Variants in PPP5C observed in about 807,000 individuals in gnomAD.
The protein encoded by PPP5C is protein phosphatase 5 catalytic subunit.
In PPP5C, 21 loss-of-function variants were observed where a neutral mutation model predicts 66.7. The observed-to-expected ratio is 0.31, with a 90% CI of 0.22 to 0.45. PPP5C has a LOEUF of 0.45. Ranked by LOEUF, PPP5C falls within the 20% of genes least tolerant of loss-of-function variation. PPP5C has a pLI of 1.00. For missense variants in PPP5C, 464 were observed against 675.9 expected, an observed-to-expected ratio of 0.69 and a Z score of 3.48; for synonymous variants, 246 against 257.4, an observed-to-expected ratio of 0.96 and a Z score of 0.43.
chr19:46,390,468 GT>G lies in PPP5C; in HGVS notation c.*125del. On this transcript the variant is annotated 3_prime_UTR_variant, in exon 13 of 13. Coordinates refer to ENST00000012443, the MANE Select transcript of PPP5C (RefSeq NM_006247.4). Reference sequence around the variant, plus strand: ...GTTGGACCCCCTTTTACTTTGTAAAGTTTGTATTTATTCCCCTTTAGGTTTG... The same window carrying G: ...GTTGGACCCCCTTTTACTTTGTAAAGTTGTATTTATTCCCCTTTAGGTTTG... 2.0e-6 allele frequency: 3 copies of G among 1,517,748 alleles called. No homozygotes were observed. The Middle Eastern group carries it at 6.6e-4, about 334-fold the overall frequency. The allele number at this position is 1,517,748 out of a possible 1,614,324, so 94.0% of individuals were successfully genotyped here.
At position 46,376,158 on chromosome 19, in the gene PPP5C, C is replaced by A. The variant is rs1474824460; in HGVS notation, c.512-295C>A. 6.6e-6 allele frequency among the ~76,000 whole-genome samples: 1 copy of A among 152,118 alleles called. No individual in the cohort carries two copies. Among genetic ancestry groups the A allele is most frequent in the Non-Finnish European group, 1.5e-5 (1 of 68,020 alleles). On this transcript the variant is annotated intron_variant, in intron 3 of 12. Coordinates refer to ENST00000012443, the MANE Select transcript of PPP5C (RefSeq NM_006247.4). The surrounding 1 kb of genome is among the most constrained non-coding windows in gnomAD (Gnocchi z 5.1). ...CAGCTATGAACAAAACCCTTCCTGTCCACATGGAGCCGATATTCTAGGAGG... is the reference window on the plus strand; with the variant it reads ...CAGCTATGAACAAAACCCTTCCTGTACACATGGAGCCGATATTCTAGGAGG...
intron 2 of PPP5C, among the ~76,000 whole-genome samples, chr19:46,363,236 A>G: frequency 9.3e-6 from 1 of 107,698 alleles, no homozygotes; most frequent in Non-Finnish European, 1.8e-5. Context: ...TGAACCCGGG[A>G]GGCGGAGCTT....
intron 2 of PPP5C, among the ~76,000 whole-genome samples, chr19:46,362,805 T>G (rs1972412958): frequency 6.6e-6 from 1 of 151,620 alleles, no homozygotes; most frequent in Non-Finnish European, 1.5e-5. Flanking sequence ...TTATTTTTTT[T>G]GAGATGGGGT....
chr19:46,347,209 A>G lies in PPP5C; in HGVS notation c.113A>G (p.Tyr38Cys). 6.2e-7 allele frequency: 1 copy of G among 1,605,148 alleles called. No individual in the cohort carries two copies. Among genetic ancestry groups the G allele is most frequent in the Non-Finnish European group, 8.5e-7 (1 of 1,176,368 alleles). ...GAGCTCAAGACTCAGGCCAATGACT[A>G]CTTCAAAGGTGCGCCCGCCTGGCAG... is the stretch of plus-strand genomic sequence containing the variant. ...AEELKTQANDYFKAKDYENAI... is the reference protein window; with the variant it reads ...AEELKTQANDCFKAKDYENAI... Residue 38 changes from tyrosine to cysteine, a missense_variant, in exon 1 of 13, where the codon TAC (tyrosine) becomes TGC (cysteine). Around this residue, in one of 2 missense-constraint regions of PPP5C, gnomAD observed 77 missense variants for 49.9 expected, o/e 1.54. Transcript: ENST00000012443.
intron 1 of PPP5C, among the ~76,000 whole-genome samples, chr19:46,347,526 C>G (rs1972104126): frequency 6.6e-6 from 1 of 150,950 alleles, no homozygotes; most frequent in Non-Finnish European, 1.5e-5. Context: ...AGGGCGCTAC[C>G]AGGCAGTGAC....
chr19:46,361,787 C>G (rs1399873729), intron 2 of PPP5C, among the ~76,000 whole-genome samples: 1 of 151,084 alleles, frequency 6.6e-6, no homozygotes, highest in African/African-American at 2.4e-5. Context: ...AATACTATAC[C>G]AAAATTTTGC....
At chr19:46,390,224 G>T in intron 12 of PPP5C, 60 bp from the exon 13 acceptor site, 4 of 1,603,994 alleles carry the variant, frequency 2.5e-6, no homozygotes, top group Non-Finnish European at 2.6e-6. Flanking sequence ...AGGTTCTGCC[G>T]GTGGGTGCTC....
intron 2 of PPP5C, among the ~76,000 whole-genome samples, chr19:46,356,753 G>A (rs1026661848): frequency 3.3e-5 from 5 of 152,228 alleles, no homozygotes; most frequent in African/African-American, 9.6e-5. Context: ...GAGGAAGTGT[G>A]TATAAATATT....
chr19:46,383,593 C>A lies in PPP5C; in HGVS notation c.699+117C>A. 8.5e-7 allele frequency: 1 copy of A among 1,179,506 alleles called. No homozygotes were observed. The highest frequency in any genetic ancestry group is 1.2e-6 in the Non-Finnish European group (1 of 836,324). The allele number at this position is 1,179,506 out of a possible 1,614,324, so 73.1% of individuals were successfully genotyped here. On this transcript the variant is annotated intron_variant, in intron 5 of 12. Coordinates refer to ENST00000012443, the MANE Select transcript of PPP5C (RefSeq NM_006247.4). This position sits in a 1 kb window ranked among gnomAD's most constrained non-coding sequence, Gnocchi z 5.0. Reference sequence around the variant, plus strand: ...CTCCCTCTCTCCCTCACACCCCACCCCTGTGCCTTTCCTCCTGAATATCCC... The same window carrying A: ...CTCCCTCTCTCCCTCACACCCCACCACTGTGCCTTTCCTCCTGAATATCCC...
At chr19:46,389,922 C>A (rs1374180104) in intron 11 of PPP5C, 129 bp from the exon 12 acceptor site, 4 of 760,494 alleles carry the variant, frequency 5.3e-6, no homozygotes, top group South Asian at 1.5e-5. Context: ...GTCTCTCTGT[C>A]CATCTGTGTC....
At chr19:46,355,570 C>T (rs1056498548) in intron 2 of PPP5C, among the ~76,000 whole-genome samples, 1 of 150,702 alleles carries the variant, frequency 6.6e-6, no homozygotes, top group Non-Finnish European at 1.5e-5. Flanking sequence ...GGGGTTAGGG[C>T]GACACCTAGA....
chr19:46,350,603 G>A (rs755850266), intron 1 of PPP5C, among the ~76,000 whole-genome samples: 3 of 152,192 alleles, frequency 2.0e-5, no homozygotes, highest in Non-Finnish European at 4.4e-5. Flanking sequence ...CTCCAGGGCT[G>A]TGGGAATAAC....
At chr19:46,370,867 AG>A (rs751133095) in intron 2 of PPP5C, among the ~76,000 whole-genome samples, 21 of 151,936 alleles carry the variant, frequency 1.4e-4, no homozygotes, top group East Asian at 7.8e-4. Context: ...CAGCCTCTCT[AG>A]TACCTGGGAC....
chr19:46,383,607 C>T lies in PPP5C; in HGVS notation c.699+131C>T. ...CACACCCCACCCCTGTGCCTTTCCT[C>T]CTGAATATCCCATTTCTCTCCTGGC... On this transcript the variant is annotated intron_variant, in intron 5 of 12. Transcript: ENST00000012443. This position sits in a 1 kb window ranked among gnomAD's most constrained non-coding sequence, Gnocchi z 5.0. The T allele has an allele frequency of 1.9e-6, 2 of 1,078,812 alleles. No homozygotes were observed. The highest frequency in any genetic ancestry group is 3.2e-5 in the South Asian group (2 of 63,480). The allele number at this position is 1,078,812 out of a possible 1,614,324, so 66.8% of individuals were successfully genotyped here.
At chr19:46,389,363 AC>A (rs1181193315) in intron 11 of PPP5C, among the ~76,000 whole-genome samples, 23 of 1,012 alleles carry the variant, frequency 0.023, no homozygotes, top group South Asian at 0.17. Context: ...CCATCTCAAA[AC>A]ACACACACAC....
chr19:46,347,095 G>A lies in PPP5C; in HGVS notation c.-2G>A. 6.3e-7 allele frequency: 1 copy of A among 1,599,714 alleles called. No individual in the cohort carries two copies. The highest frequency in any genetic ancestry group is 8.5e-7 in the Non-Finnish European group (1 of 1,173,760). ...TTGCCAGGGTAGGGGTCGCTTTGCG[G>A]CATGGCGATGGCGGAGGGCGAGAGG... On this transcript the variant is annotated 5_prime_UTR_variant, in exon 1 of 13. Coordinates refer to ENST00000012443, the MANE Select transcript of PPP5C (RefSeq NM_006247.4).
intron 2 of PPP5C, among the ~76,000 whole-genome samples, chr19:46,363,422 G>A (rs765829194): frequency 4.3e-5 from 6 of 139,828 alleles, no homozygotes; most frequent in Non-Finnish European, 9.2e-5. Context: ...AAATCTTTGG[G>A]CTTACTTTCT....
intron 2 of PPP5C, among the ~76,000 whole-genome samples, chr19:46,373,196 G>T (rs553043881): frequency 6.6e-6 from 1 of 152,356 alleles, no homozygotes; most frequent in Admixed American, 6.5e-5. Context: ...GGCATGCAGT[G>T]TGCCCCAGGG....
At chr19:46,374,099 G>C (rs1171261968) in intron 2 of PPP5C, among the ~76,000 whole-genome samples, 1 of 152,198 alleles carries the variant, frequency 6.6e-6, no homozygotes, top group Non-Finnish European at 1.5e-5. Flanking sequence ...TTCCTCCCCT[G>C]CCTTACACCC....
Sources: gnomAD v4.1 joint callset for allele counts (sites outside exome capture counted in the v4.1 genomes callset) on GRCh38, gnomAD v4.1.1 for gene constraint, gnomAD v4.1.1 regional missense constraint, Gnocchi (gnomAD v3.1) non-coding constraint, MANE v1.5 for transcripts, NCBI Gene and HGNC (gene_info 2026-07-23, HGNC 2026-07-21) for gene names.